Variants in CALN1 observed in about 807,000 individuals in gnomAD.
The protein encoded by CALN1 is calneuron 1, also known as calcium-binding protein 8.
In CALN1, 17 loss-of-function variants were observed where a neutral mutation model predicts 30.6. The observed-to-expected ratio is 0.56, with a 90% confidence interval of 0.38 to 0.83. The LOEUF (loss-of-function observed/expected upper bound fraction) is 0.83. Among genes scored for constraint, CALN1 ranks in the 40% least tolerant of loss-of-function variants. The pLI is 0.00. For missense variants in CALN1, 291 were observed against 354.9 expected (o/e 0.82, Z 1.45); for synonymous variants, 156 against 131.4 (o/e 1.19, Z -1.28).
intron 2 of CALN1, among the ~76,000 whole-genome samples, chr7:72,392,375 G>A (rs1805629458): frequency 6.6e-6 from 1 of 152,190 alleles, no homozygotes; most frequent in African/African-American, 2.4e-5. Context: ...TTATTACAAA[G>A]CAATAGTAAC....
the CALN1 span, among the ~76,000 whole-genome samples, chr7:72,465,386 T>G: frequency 6.6e-5 from 10 of 152,320 alleles, no homozygotes; most frequent in African/African-American, 2.4e-4. Context: ...GGGCTCTGTC[T>G]TCCTTGCCCC....
chr7:72,016,822 ACTAGGTTTTGCATG>A (rs1800405047), intron 5 of CALN1, among the ~76,000 whole-genome samples: 1 of 151,480 alleles, frequency 6.6e-6, no homozygotes, highest in Admixed American at 6.6e-5. Context: ...GCTGGGAAGA[ACTAGGTTTTGCATG>A]AGGACCTGAG....
chr7:72,366,775 C>T (rs1216552697), intron 2 of CALN1, among the ~76,000 whole-genome samples: 2 of 151,946 alleles, frequency 1.3e-5, no homozygotes. Context: ...TTCAAAGTTG[C>T]ATCTAAATTG....
intron 1 of CALN1, among the ~76,000 whole-genome samples, chr7:72,431,448 C>T (rs1318119939): frequency 1.3e-5 from 2 of 152,270 alleles, no homozygotes; most frequent in East Asian, 3.9e-4. Context: ...GCATGCACAA[C>T]TTAACACTGC....
chr7:72,148,540 A>G (rs1009154409), intron 3 of CALN1, among the ~76,000 whole-genome samples: 2 of 152,200 alleles, frequency 1.3e-5, no homozygotes, highest in African/African-American at 4.8e-5. Context: ...TTGGGTCTAC[A>G]GTGAGCCATC....
intron 2 of CALN1, among the ~76,000 whole-genome samples, chr7:72,321,493 A>G (rs1314375777): frequency 6.6e-6 from 1 of 152,196 alleles, no homozygotes; most frequent in African/African-American, 2.4e-5. Context: ...GACAGGAGAC[A>G]ATATTTTGGG....
intron 5 of CALN1, among the ~76,000 whole-genome samples, chr7:71,813,918 G>A (rs1022792397): frequency 4.9e-5 from 7 of 141,594 alleles, no homozygotes; most frequent in Admixed American, 2.9e-4. Flanking sequence ...GTGACAGAGC[G>A]AGACTCTGTT....
intron 3 of CALN1, among the ~76,000 whole-genome samples, chr7:72,266,237 G>A (rs539219953): frequency 3.9e-5 from 6 of 152,268 alleles, no homozygotes; most frequent in Admixed American, 3.3e-4. Context: ...CATCATGATA[G>A]CTTACTATTA....
intron 3 of CALN1, among the ~76,000 whole-genome samples, chr7:72,131,162 T>G (rs1809117463): frequency 6.6e-6 from 1 of 152,088 alleles, no homozygotes; most frequent in Non-Finnish European, 1.5e-5. Context: ...AGCAGACCAT[T>G]ACAGCACGAG....
At chr7:71,884,124 A>T (rs187137930) in intron 5 of CALN1, among the ~76,000 whole-genome samples, 1 of 152,140 alleles carries the variant, frequency 6.6e-6, no homozygotes, top group Non-Finnish European at 1.5e-5. Context: ...CATGTTGGCC[A>T]GGATGGTCTT....
At chr7:71,903,056 T>G (rs1356964364) in intron 5 of CALN1, among the ~76,000 whole-genome samples, 1 of 151,924 alleles carries the variant, frequency 6.6e-6, no homozygotes, top group East Asian at 1.9e-4. Context: ...TTTTTACTTT[T>G]TTTTAAAAAA....
chr7:72,403,565 C>T, intron 1 of CALN1, 123 bp from the exon 2 acceptor site: 1 of 461,032 alleles, frequency 2.2e-6, no homozygotes, highest in Admixed American at 3.6e-5. Flanking sequence ...GGTAGAAACA[C>T]AATCCTGGCA....
chr7:71,861,970 G>A (rs1791312590), intron 5 of CALN1, among the ~76,000 whole-genome samples: 2 of 152,136 alleles, frequency 1.3e-5, no homozygotes, highest in Admixed American at 1.3e-4. Flanking sequence ...CAGAAGCAGG[G>A]AATGGGAAGC....
At chr7:72,142,720 C>A (rs1158695576) in intron 3 of CALN1, among the ~76,000 whole-genome samples, 1 of 152,128 alleles carries the variant, frequency 6.6e-6, no homozygotes, top group African/African-American at 2.4e-5. Flanking sequence ...CTGGGAAGCA[C>A]CCCCCAGTAG....
chr7:72,278,160 G>C (rs1355871653), intron 3 of CALN1, among the ~76,000 whole-genome samples: 1 of 152,062 alleles, frequency 6.6e-6, no homozygotes, highest in African/African-American at 2.4e-5. Context: ...GCTGTACTGT[G>C]TTACAAAGAA....
intron 2 of CALN1, among the ~76,000 whole-genome samples, chr7:72,385,503 T>C (rs1805158300): frequency 6.6e-6 from 1 of 152,186 alleles, no homozygotes; most frequent in Non-Finnish European, 1.5e-5. Context: ...TTTGGCTTCA[T>C]GTCCCCACCC....
chr7:72,058,259 A>G (rs561331828), intron 4 of CALN1, among the ~76,000 whole-genome samples: 1 of 150,184 alleles, frequency 6.7e-6, no homozygotes, highest in Admixed American at 6.7e-5. Context: ...GTGGGAGTAA[A>G]TATCTCTTAG....
intron 5 of CALN1, among the ~76,000 whole-genome samples, chr7:71,996,781 AAAATT>A (rs1562964700): frequency 6.6e-6 from 1 of 152,226 alleles, no homozygotes; most frequent in African/African-American, 2.4e-5. Flanking sequence ...AAAATAAAAT[AAAATT>A]AAATTAAAAA....
intron 3 of CALN1, among the ~76,000 whole-genome samples, chr7:72,150,903 ATGG>A: frequency 6.6e-6 from 1 of 151,738 alleles, no homozygotes; most frequent in East Asian, 1.9e-4. Flanking sequence ...GATGATGATG[ATGG>A]TGACGATGAC....
Sources: allele counts gnomAD v4.1 joint callset (sites outside exome capture counted in the v4.1 genomes callset), GRCh38; gene constraint gnomAD v4.1.1; transcripts MANE v1.5; gene names NCBI Gene and HGNC (gene_info 2026-07-23, HGNC 2026-07-21).